The following DIP2C variants were observed in gnomAD, a reference collection of about 807,000 sequenced individuals.
DIP2C encodes disco-interacting protein 2 homolog C.
DIP2C carries 33 observed loss-of-function variants against 192.4 expected under a neutral mutation model. The observed-to-expected ratio is 0.17, with a 90% CI of 0.13 to 0.23. The LOEUF (loss-of-function observed/expected upper bound fraction) is 0.23. Ranked by LOEUF, DIP2C falls within the 10% of genes least tolerant of loss-of-function variation. The pLI, the probability that DIP2C is intolerant of heterozygous loss-of-function variation, is 1.00. For synonymous variants in DIP2C, 979 were observed against 864.1 expected (o/e 1.13, Z -2.33); for missense variants, 1,537 against 2,110.1 (o/e 0.73, Z 5.32).
intron 3 of DIP2C, among the ~76,000 whole-genome samples, chr10:461,190 A>C (rs1969744899): frequency 6.6e-6 from 1 of 152,242 alleles, no homozygotes; most frequent in Non-Finnish European, 1.5e-5. Context: ...GATCGAATTC[A>C]CACATAACAA....
intron 1 of DIP2C, among the ~76,000 whole-genome samples, chr10:540,220 G>A (rs1847903098): frequency 6.6e-6 from 1 of 152,260 alleles, no homozygotes; most frequent in Non-Finnish European, 1.5e-5. Context: ...GTCTCCCGCA[G>A]ACACTAGACG....
chr10:564,296 T>C (rs1463720711), intron 1 of DIP2C, among the ~76,000 whole-genome samples: 1 of 151,978 alleles, frequency 6.6e-6, no homozygotes, highest in Non-Finnish European at 1.5e-5. Flanking sequence ...CTCATCTCCT[T>C]GATCTCTCCA....
chr10:570,469 A>T (rs935090519), intron 1 of DIP2C, among the ~76,000 whole-genome samples: 3 of 152,014 alleles, frequency 2.0e-5, no homozygotes, highest in Admixed American at 6.5e-5. Flanking sequence ...CATTCCTAAG[A>T]CATGACCCAC....
At chr10:343,947 C>CT (rs1958286146) in intron 28 of DIP2C, among the ~76,000 whole-genome samples, 1 of 152,216 alleles carries the variant, frequency 6.6e-6, no homozygotes, top group South Asian at 2.1e-4. Context: ...GTAAGAGAGG[C>CT]TGCTCCCAAC....
intron 1 of DIP2C, among the ~76,000 whole-genome samples, chr10:496,281 T>C (rs1450662209): frequency 6.7e-6 from 1 of 150,218 alleles, no homozygotes; most frequent in East Asian, 2.0e-4. Flanking sequence ...TTAAAATCTC[T>C]ACATTACTCT....
intron 35 of DIP2C, among the ~76,000 whole-genome samples, 169 bp from the exon 36 acceptor site, chr10:281,492 A>G (rs1320408720): frequency 6.6e-6 from 1 of 152,258 alleles, no homozygotes; most frequent in Non-Finnish European, 1.5e-5. Context: ...GCTCCTTGGC[A>G]AGTGCTCGGC....
At chr10:609,094 TTTGG>T (rs1852884254) in intron 1 of DIP2C, among the ~76,000 whole-genome samples, 1 of 150,770 alleles carries the variant, frequency 6.6e-6, no homozygotes, top group African/African-American at 2.4e-5. Context: ...TAAGACCACG[TTTGG>T]TTTTTATGAC....
chr10:577,489 C>T (rs1455586256), intron 1 of DIP2C, among the ~76,000 whole-genome samples: 2 of 152,188 alleles, frequency 1.3e-5, no homozygotes, highest in Admixed American at 6.5e-5. Flanking sequence ...GTAAGAGCTT[C>T]GCGAGTCGCA....
At position 274,640 on chromosome 10, in the gene DIP2C, A is replaced by T. The variant is rs1009770033; in HGVS notation, c.*2685T>A. On this transcript the variant is annotated 3_prime_UTR_variant, in exon 37 of 37. Coordinates refer to ENST00000280886, the MANE Select transcript of DIP2C (RefSeq NM_014974.3). ...ATGAGTTTCTCTAACCAGTCACCAC[A>T]CTCTGAAATAACGCTGCTAACATTC... 6.6e-6 allele frequency: 1 copy of T among 152,134 alleles called. No homozygotes were observed. The highest frequency in any genetic ancestry group is 1.5e-5 in the Non-Finnish European group (1 of 68,032). 9.4% of individuals were successfully genotyped at this position (152,134 alleles called of 1,614,324 possible). A position where few individuals can be genotyped will look rare whatever the true frequency, so the allele number is the denominator to read the frequency against.
intron 1 of DIP2C, among the ~76,000 whole-genome samples, chr10:649,209 C>T (rs1462788189): frequency 1.3e-5 from 2 of 150,190 alleles, no homozygotes; most frequent in African/African-American, 4.9e-5. Context: ...TGGGAGAGAA[C>T]AGAGGGAAAC....
chr10:295,155 A>G (rs991107938), intron 32 of DIP2C, among the ~76,000 whole-genome samples: 1 of 152,178 alleles, frequency 6.6e-6, no homozygotes, highest in Admixed American at 6.5e-5. Context: ...GAAATAAAAG[A>G]ATGGCTACTC....
At chr10:589,034 G>T (rs1359144189) in intron 1 of DIP2C, among the ~76,000 whole-genome samples, 1 of 152,084 alleles carries the variant, frequency 6.6e-6, no homozygotes, top group Non-Finnish European at 1.5e-5. Context: ...CTCCAGCAGG[G>T]GTGTAAAAAA....
chr10:334,165 G>A (rs962497497), intron 29 of DIP2C, among the ~76,000 whole-genome samples: 1 of 151,944 alleles, frequency 6.6e-6, no homozygotes, highest in African/African-American at 2.4e-5. Flanking sequence ...AAAATAGCCA[G>A]GTGTGGTGGT....
chr10:474,252 T>TC (rs1220044163), intron 2 of DIP2C, among the ~76,000 whole-genome samples: 1 of 152,122 alleles, frequency 6.6e-6, no homozygotes, highest in Non-Finnish European at 1.5e-5. Context: ...CACCACCCCT[T>TC]ACGCCACTGT....
rs747871082 is a variant in DIP2C, at chr10:413,768, G to A, written c.1057+145C>T. The A allele has an allele frequency of 3.1e-6, 3 of 965,394 alleles. No individual in the cohort carries two copies. The South Asian group carries it at 5.2e-5, about 17-fold the overall frequency. 59.8% of individuals were successfully genotyped at this position (965,394 alleles called of 1,614,324 possible). Reference sequence around the variant, plus strand: ...CACTGAGCTTCGTGCGTTCGGGAGTGGCTGCGCGAGGGCGTGGGCAAAGGG... The same window carrying A: ...CACTGAGCTTCGTGCGTTCGGGAGTAGCTGCGCGAGGGCGTGGGCAAAGGG... On this transcript the variant is annotated intron_variant, in intron 8 of 36. Coordinates refer to ENST00000280886, the MANE Select transcript of DIP2C (RefSeq NM_014974.3).
chr10:444,117 C>T (rs368532676), intron 3 of DIP2C, among the ~76,000 whole-genome samples: 2 of 152,146 alleles, frequency 1.3e-5, no homozygotes, highest in African/African-American at 2.4e-5. Context: ...GATTCCCCAT[C>T]GTCACATGGA....
At chr10:364,290 CTG>C (rs1189980913) in intron 20 of DIP2C, 82 bp downstream of exon 20, 68 of 1,463,426 alleles carry the variant, frequency 4.6e-5, no homozygotes, top group Non-Finnish European at 5.3e-5. Context: ...TTTAAGGAAA[CTG>C]TGCAACTTTC....
chr10:573,388 C>G (rs751555566), intron 1 of DIP2C, among the ~76,000 whole-genome samples: 2 of 152,220 alleles, frequency 1.3e-5, no homozygotes, highest in African/African-American at 4.8e-5. Flanking sequence ...AGAGCGCAGC[C>G]GGGCAGTTCA....
chr10:624,620 G>A (rs1854081919), intron 1 of DIP2C, among the ~76,000 whole-genome samples: 2 of 152,328 alleles, frequency 1.3e-5, no homozygotes, highest in East Asian at 3.9e-4. Context: ...GTCTCTCCAG[G>A]GCGGGCTCCA....
Sources: allele counts gnomAD v4.1 joint callset (sites outside exome capture counted in the v4.1 genomes callset), GRCh38; gene constraint gnomAD v4.1.1; transcripts MANE v1.5; gene names NCBI Gene and HGNC (gene_info 2026-07-23, HGNC 2026-07-21).